Variants in TENM2 observed in about 807,000 individuals in gnomAD.
The protein encoded by TENM2 is teneurin-2.
Under a neutral mutation model 245.2 loss-of-function variants are expected in TENM2, and 52 were observed. The ratio of observed to expected loss-of-function variants is 0.21; its 90% CI spans 0.17 to 0.27. TENM2 has a LOEUF of 0.27. Among genes scored for constraint, TENM2 ranks in the 10% least tolerant of loss-of-function variants. The probability of loss-of-function intolerance (pLI) is 1.00; values close to 1 mark genes in which losing one functional copy is unlikely to be tolerated. For missense variants in TENM2, 3,046 were observed against 3,666.8 expected (o/e 0.83, Z 4.37); for synonymous variants, 1,363 against 1,438.9 (o/e 0.95, Z 1.19).
intron 13 of TENM2, among the ~76,000 whole-genome samples, chr5:168,180,650 C>T (rs1158640498): frequency 1.3e-5 from 2 of 152,220 alleles, no homozygotes; most frequent in Non-Finnish European, 2.9e-5. Flanking sequence ...CATCCCAGCA[C>T]TTTGGGAGGC....
intron 2 of TENM2, among the ~76,000 whole-genome samples, chr5:167,736,182 G>A (rs2150574064): frequency 1.3e-5 from 2 of 152,224 alleles, no homozygotes; most frequent in South Asian, 4.2e-4. Context: ...CAGAGTGAGG[G>A]GTGGGGAGAA....
chr5:167,652,467 A>G (rs758651094), intron 2 of TENM2, among the ~76,000 whole-genome samples: 1 of 152,080 alleles, frequency 6.6e-6, no homozygotes, highest in Non-Finnish European at 1.5e-5. Flanking sequence ...ATAGCTCCAA[A>G]TATGTGCTCA....
intron 2 of TENM2, among the ~76,000 whole-genome samples, chr5:167,773,163 G>T (rs1763514866): frequency 6.6e-6 from 1 of 152,086 alleles, no homozygotes; most frequent in South Asian, 2.1e-4. Flanking sequence ...TGAGAAATAT[G>T]GTTAGACTAT....
chr5:167,362,329 G>A (rs1324185748), intron 1 of TENM2, among the ~76,000 whole-genome samples: 2 of 152,144 alleles, frequency 1.3e-5, no homozygotes, highest in South Asian at 2.1e-4. Flanking sequence ...TTGGTGATGA[G>A]GCAGTTGATT....
chr5:168,227,063 C>T lies in TENM2; in HGVS notation c.5284+800C>T, dbSNP rs112790660. 8.8e-3 allele frequency among the ~76,000 whole-genome samples: 1,342 copies of T among 152,186 alleles called. 14 individuals carry two copies. The highest frequency in any genetic ancestry group is 0.031 in the African/African-American group (1,281 of 41,516). On this transcript the variant is annotated intron_variant, in intron 24 of 28. Transcript: ENST00000518659. ...CGTGTGACGGCTGGAGTCACAGGAG[C>T]GACAGGTACACACTTGCTCACTGCC...
At chr5:167,971,708 CAAACAAACA>C (rs1273217866) in intron 4 of TENM2, among the ~76,000 whole-genome samples, 5 of 151,756 alleles carry the variant, frequency 3.3e-5, no homozygotes, top group African/African-American at 7.3e-5. Flanking sequence ...CTAAAACAAA[CAAACAAACA>C]AAACAAAACA....
At chr5:167,776,676 C>G in intron 2 of TENM2, among the ~76,000 whole-genome samples, 1 of 134,660 alleles carries the variant, frequency 7.4e-6, no homozygotes. Flanking sequence ...TTTCATTAAC[C>G]TTATGCTACA....
At chr5:167,099,714 A>ACAAAT in the TENM2 span, among the ~76,000 whole-genome samples, 2 of 152,186 alleles carry the variant, frequency 1.3e-5, no homozygotes, top group Non-Finnish European at 2.9e-5. Flanking sequence ...ACAAAACAAA[A>ACAAAT]CAAAAACAAA....
chr5:167,869,040 C>T (rs568766955), intron 2 of TENM2, among the ~76,000 whole-genome samples: 1 of 152,140 alleles, frequency 6.6e-6, no homozygotes, highest in Non-Finnish European at 1.5e-5. Context: ...CTGAGTTGCT[C>T]AAACTCCCAA....
At chr5:167,054,542 G>C in the TENM2 span, among the ~76,000 whole-genome samples, 1 of 152,088 alleles carries the variant, frequency 6.6e-6, no homozygotes, top group Non-Finnish European at 1.5e-5. Context: ...CGTTGAATAA[G>C]TACCAAGGAG....
At chr5:167,574,477 GTTTA>G (rs1678787737) in intron 2 of TENM2, among the ~76,000 whole-genome samples, 1 of 152,194 alleles carries the variant, frequency 6.6e-6, no homozygotes, top group South Asian at 2.1e-4. Context: ...CAAGGGTAGA[GTTTA>G]TTTAAGTCGA....
At chr5:167,057,874 C>T in the TENM2 span, among the ~76,000 whole-genome samples, 5 of 152,226 alleles carry the variant, frequency 3.3e-5, no homozygotes, top group Admixed American at 3.3e-4. Context: ...TTAAAACTCA[C>T]AAATATGTTG....
Position 168,247,703 on chromosome 5 carries a change from C to T in TENM2, c.6764C>T (p.Thr2255Ile). ...CGCTATGACCTCCGGGATCGGATAACCAGACTCGGGGATGTGCAGTACAAA... is the reference window on the plus strand; with the variant it reads ...CGCTATGACCTCCGGGATCGGATAATCAGACTCGGGGATGTGCAGTACAAA... The change falls in exon 27 of 29, where the codon ACC becomes ATC. Residue 2255 changes from threonine (T) to isoleucine (I), a missense_variant. Thr to Ile is a moderately conservative substitution (Grantham distance 89). Transcript: ENST00000518659. This position sits in a 1 kb window ranked among gnomAD's most constrained non-coding sequence, Gnocchi z 7.8. 1 of 1,613,866 alleles carries T rather than the reference C, an allele frequency of 6.2e-7. No individual in the cohort carries two copies. The highest frequency in any genetic ancestry group is 8.5e-7 in the Non-Finnish European group (1 of 1,179,892).
At chr5:167,106,714 G>A in the TENM2 span, among the ~76,000 whole-genome samples, 1 of 151,880 alleles carries the variant, frequency 6.6e-6, no homozygotes, top group Non-Finnish European at 1.5e-5. Context: ...TTCTGCAGGT[G>A]ATGGCAGTGA....
At chr5:167,692,269 A>T (rs1489777018) in intron 2 of TENM2, among the ~76,000 whole-genome samples, 1 of 152,182 alleles carries the variant, frequency 6.6e-6, no homozygotes, top group Non-Finnish European at 1.5e-5. Context: ...AAAAAGGTCA[A>T]ATGAATTGGC....
chr5:167,973,911 A>G (rs1444245403), intron 4 of TENM2, among the ~76,000 whole-genome samples: 5 of 151,106 alleles, frequency 3.3e-5, no homozygotes, highest in African/African-American at 1.2e-4. Flanking sequence ...TTTGCCATGA[A>G]GAGGTGGAAA....
chr5:167,833,148 T>C (rs1354591960), intron 2 of TENM2, among the ~76,000 whole-genome samples: 4 of 152,154 alleles, frequency 2.6e-5, no homozygotes, highest in African/African-American at 7.2e-5. Flanking sequence ...ATTTTATACA[T>C]TTATTTATTA....
At chr5:167,964,511 T>C (rs1781244821) in intron 4 of TENM2, among the ~76,000 whole-genome samples, 1 of 152,232 alleles carries the variant, frequency 6.6e-6, no homozygotes, top group Non-Finnish European at 1.5e-5. Flanking sequence ...ACCTACCATG[T>C]GTCAGGCACT....
At chr5:167,729,703 T>C (rs147794428) in intron 2 of TENM2, among the ~76,000 whole-genome samples, 307 of 152,346 alleles carry the variant, frequency 2.0e-3, no homozygotes, top group African/African-American at 7.2e-3. Context: ...TTTTTTCCCA[T>C]CTGGTTTTTA....
Sources: allele counts gnomAD v4.1 joint callset (sites outside exome capture counted in the v4.1 genomes callset), GRCh38; gene constraint gnomAD v4.1.1; non-coding constraint Gnocchi (gnomAD v3.1); transcripts MANE v1.5; gene names NCBI Gene and HGNC (gene_info 2026-07-23, HGNC 2026-07-21).